Variants in TENM1 observed in about 807,000 individuals in gnomAD.
TENM1 encodes the protein teneurin transmembrane protein 1.
In TENM1, 35 loss-of-function variants were observed where a neutral mutation model predicts 174.8. The ratio of observed to expected loss-of-function variants is 0.20; its 90% confidence interval spans 0.15 to 0.27. The LOEUF (loss-of-function observed/expected upper bound fraction) is 0.27, where lower values mean the gene tolerates loss of function less well. Ranked by LOEUF, TENM1 falls within the 10% of genes least tolerant of loss-of-function variation. The pLI is 1.00. For synonymous variants in TENM1, 781 were observed against 798.7 expected, an observed-to-expected ratio of 0.98 and a Z score of 0.37; for missense variants, 1,633 against 2,130.1, an observed-to-expected ratio of 0.77 and a Z score of 4.59.
chrX:125,060,146 G>GCT, the TENM1 span, among the ~76,000 whole-genome samples: 7 of 95,292 alleles, frequency 7.3e-5, no homozygotes, highest in East Asian at 6.7e-4. Flanking sequence ...CCCAACTTTC[G>GCT]CTCTCTCTCT....
the TENM1 span, among the ~76,000 whole-genome samples, chrX:125,035,182 G>T: frequency 9.0e-6 from 1 of 111,098 alleles, no homozygotes; most frequent in Non-Finnish European, 1.9e-5. Context: ...CGGGAAGTGA[G>T]TATGGATAGC....
chrX:124,459,682 G>A (rs1163895262), intron 22 of TENM1, among the ~76,000 whole-genome samples: 6 of 111,595 alleles, frequency 5.4e-5, no homozygotes, highest in Non-Finnish European at 9.4e-5. Flanking sequence ...ATAGGCATGG[G>A]CAAAGATTTC....
At chrX:125,073,926 T>C in the TENM1 span, among the ~76,000 whole-genome samples, 56 of 112,243 alleles carry the variant, frequency 5.0e-4, no homozygotes, top group East Asian at 0.015. Flanking sequence ...TTTCATTCTT[T>C]CCTTGTCAGG....
chrX:124,755,871 T>G (rs5958575), intron 3 of TENM1, among the ~76,000 whole-genome samples: 10,576 of 105,046 alleles, frequency 0.1, 1,003 homozygotes, highest in African/African-American at 0.25. Context: ...GTTAGTCTGA[T>G]GGGCTTCCCT....
At chrX:124,515,395 C>G (rs2047680092) in intron 18 of TENM1, among the ~76,000 whole-genome samples, 1 of 111,507 alleles carries the variant, frequency 9.0e-6, no homozygotes, top group Non-Finnish European at 1.9e-5. Flanking sequence ...AATAGGAAGA[C>G]AGGAAGTCAA....
At chrX:124,902,368 TAGAG>T (rs1322207931) in intron 1 of TENM1, among the ~76,000 whole-genome samples, 2 of 112,342 alleles carry the variant, frequency 1.8e-5, no homozygotes, top group Non-Finnish European at 3.8e-5. Flanking sequence ...AGATTATTGA[TAGAG>T]AAACAGAGAA....
chrX:124,566,761 T>A (rs1354523703), intron 11 of TENM1, among the ~76,000 whole-genome samples: 1 of 111,933 alleles, frequency 8.9e-6, no homozygotes, highest in Admixed American at 9.5e-5. Flanking sequence ...GATCAATTTG[T>A]TCATGGGTTT....
chrX:124,732,576 T>A (rs906708848), intron 4 of TENM1, among the ~76,000 whole-genome samples: 31 of 111,881 alleles, frequency 2.8e-4, no homozygotes, highest in African/African-American at 9.8e-4. Context: ...CACAGCCTGC[T>A]ATAAAAGGGA....
chrX:124,820,108 C>T, intron 3 of TENM1, among the ~76,000 whole-genome samples: 1 of 111,039 alleles, frequency 9.0e-6, no homozygotes, highest in Non-Finnish European at 1.9e-5. Context: ...TCCCTTTTCA[C>T]GTATGGGTCA....
intron 3 of TENM1, among the ~76,000 whole-genome samples, chrX:124,764,494 T>C (rs1293385605): frequency 1.8e-5 from 2 of 111,008 alleles, no homozygotes; most frequent in African/African-American, 3.3e-5. Context: ...TTGTCTGTCT[T>C]GTCCCTCAAC....
intron 3 of TENM1, among the ~76,000 whole-genome samples, chrX:124,840,351 A>G (rs1249014671): frequency 8.9e-6 from 1 of 111,780 alleles, no homozygotes; most frequent in Non-Finnish European, 1.9e-5. Flanking sequence ...ATTTTAAAGT[A>G]TTGATTATAT....
chrX:125,072,835 C>G, the TENM1 span, among the ~76,000 whole-genome samples: 5 of 111,655 alleles, frequency 4.5e-5, no homozygotes, highest in East Asian at 8.4e-4. Flanking sequence ...ACGCTACATT[C>G]ACATAATAAT....
the TENM1 span, among the ~76,000 whole-genome samples, chrX:125,026,389 C>T: frequency 9.0e-6 from 1 of 111,468 alleles, no homozygotes; most frequent in African/African-American, 3.2e-5. Context: ...TAAACAATTG[C>T]CATTAAACAA....
At chrX:124,910,500 C>G (rs2057818755) in intron 1 of TENM1, among the ~76,000 whole-genome samples, 1 of 112,025 alleles carries the variant, frequency 8.9e-6, no homozygotes, top group Non-Finnish European at 1.9e-5. Flanking sequence ...ACAGTTGACT[C>G]CATTTGGTCC....
At chrX:124,775,623 C>G (rs1393005051) in intron 3 of TENM1, among the ~76,000 whole-genome samples, 1 of 111,945 alleles carries the variant, frequency 8.9e-6, no homozygotes, top group African/African-American at 3.2e-5. Context: ...TGGACATTAT[C>G]ATCGTGAGGA....
At chrX:124,690,537 A>G (rs1243874613) in intron 5 of TENM1, among the ~76,000 whole-genome samples, 1 of 108,468 alleles carries the variant, frequency 9.2e-6, no homozygotes, top group Non-Finnish European at 1.9e-5. Flanking sequence ...ATACACACAT[A>G]TATGTGGATT....
Position 124,477,429 on chromosome X carries a change from A to AT in TENM1, c.3949+4302dup, listed in dbSNP as rs1166722127. Among the ~76,000 whole-genome samples, 6 of 111,792 alleles carry AT rather than the reference A, an allele frequency of 5.4e-5. No homozygotes were observed. In the South Asian group the frequency reaches 1.1e-3, roughly 21 times the overall value. On this transcript the variant is annotated intron_variant, in intron 22 of 31. Coordinates refer to ENST00000422452, the Ensembl canonical transcript of TENM1. ...AATACATGTCCTCAGATTGAAAAGC[A>AT]TTTTTTTCCCCCAATATTTCCAACC...
intron 4 of TENM1, among the ~76,000 whole-genome samples, chrX:124,730,189 G>A (rs1478142016): frequency 2.7e-5 from 3 of 111,410 alleles, no homozygotes; most frequent in Non-Finnish European, 5.6e-5. Flanking sequence ...CTATTTAAAA[G>A]CATGCTAAGA....
intron 14 of TENM1, among the ~76,000 whole-genome samples, chrX:124,557,749 G>C (rs535169907): frequency 2.5e-4 from 28 of 111,506 alleles, no homozygotes; most frequent in African/African-American, 8.5e-4. Flanking sequence ...AATTATCATA[G>C]CTTTCAAATA....
Sources: allele counts gnomAD v4.1 joint callset (sites outside exome capture counted in the v4.1 genomes callset), GRCh38; gene constraint gnomAD v4.1.1; transcripts MANE v1.5; gene names NCBI Gene and HGNC (gene_info 2026-07-23, HGNC 2026-07-21).